RPF1: variants seen among roughly 807,000 people sequenced by gnomAD.
The protein encoded by RPF1 is ribosome production factor 1.
A neutral mutation model predicts 41.9 loss-of-function variants in RPF1; 34 were observed. That is an observed-to-expected ratio of 0.81 (90% CI 0.62 to 1.08). RPF1 has a LOEUF of 1.08. Ranked by LOEUF, RPF1 falls within the 50% of genes least tolerant of loss-of-function variation. The pLI, the probability that RPF1 is intolerant of heterozygous loss-of-function variation, is 0.00. For synonymous variants in RPF1, 140 were observed against 148.9 expected, an observed-to-expected ratio of 0.94 and a Z score of 0.43; for missense variants, 425 against 435.2, an observed-to-expected ratio of 0.98 and a Z score of 0.21.
In RPF1 at chr1:84,497,601, A is replaced by T. The variant is rs1042871426; in HGVS notation, c.*131A>T. ...TAAACCTTTCACGTCTGGACGAATT[A>T]CCAAATGCCATGAATTGCCACTGTG... On this transcript the variant is annotated 3_prime_UTR_variant, in exon 9 of 9. Coordinates refer to ENST00000370654, the MANE Select transcript of RPF1 (RefSeq NM_025065.7). The T allele has an allele frequency of 1.7e-5, 9 of 541,440 alleles. No homozygotes were observed. The highest frequency in any genetic ancestry group is 2.8e-5 in the Non-Finnish European group (9 of 316,182). The allele number at this position is 541,440 out of a possible 1,614,324, so 33.5% of individuals were successfully genotyped here. A position where few individuals can be genotyped will look rare whatever the true frequency, so the allele number is the denominator to read the frequency against.
intron 3 of RPF1, among the ~76,000 whole-genome samples, chr1:84,486,074 C>T (rs1237351252): frequency 1.3e-5 from 2 of 152,106 alleles, no homozygotes; most frequent in African/African-American, 4.8e-5. Context: ...AATGAGAGAA[C>T]ACCCAGTGCA....
intron 3 of RPF1, among the ~76,000 whole-genome samples, chr1:84,485,865 G>A (rs891721754): frequency 6.6e-6 from 1 of 152,110 alleles, no homozygotes. Context: ...TTAATTTGCA[G>A]TTCTCATTTT....
At chr1:84,482,322 A>G (rs905605415) in intron 2 of RPF1, among the ~76,000 whole-genome samples, 1 of 152,194 alleles carries the variant, frequency 6.6e-6, no homozygotes, top group Non-Finnish European at 1.5e-5. Flanking sequence ...ACAGTATTCC[A>G]TAATGTTGAT....
intron 2 of RPF1, 35 bp downstream of exon 2, chr1:84,481,047 T>TAAGA: frequency 2.5e-6 from 3 of 1,213,334 alleles, no homozygotes; most frequent in Non-Finnish European, 3.6e-6. Context: ...CTTTCTATCT[T>TAAGA]ATATTAGGGA....
chr1:84,495,284 A>T, intron 5 of RPF1, 89 bp from the exon 6 acceptor site: 2 of 706,248 alleles, frequency 2.8e-6, no homozygotes, highest in South Asian at 3.4e-5. Flanking sequence ...TACAGATTTT[A>T]GGGGCCTTTG....
intron 5 of RPF1, among the ~76,000 whole-genome samples, chr1:84,493,487 G>A (rs1681872518): frequency 6.6e-6 from 1 of 151,994 alleles, no homozygotes; most frequent in Non-Finnish European, 1.5e-5. Flanking sequence ...TTACTTGGGA[G>A]GTTGAGGTGG....
At chr1:84,479,849 G>C (rs1287096064) in intron 1 of RPF1, among the ~76,000 whole-genome samples, 3 of 152,226 alleles carry the variant, frequency 2.0e-5, no homozygotes, top group African/African-American at 4.8e-5. Context: ...GGTCCGTCTA[G>C]GTAGCGTTGG....
At chr1:84,479,717 G>A (rs553970691) in intron 1 of RPF1, among the ~76,000 whole-genome samples, 5 of 152,342 alleles carry the variant, frequency 3.3e-5, no homozygotes, top group African/African-American at 1.2e-4. Context: ...CGTCAAGGTG[G>A]AAGATTATCT....
chr1:84,479,735 C>G (rs551440692), intron 1 of RPF1, among the ~76,000 whole-genome samples: 1 of 152,334 alleles, frequency 6.6e-6, no homozygotes, highest in Non-Finnish European at 1.5e-5. Context: ...TCTTGATAGG[C>G]TCTTTCCTGG....
In RPF1 at chr1:84,489,628, C is replaced by G. The variant is rs1681796904; in HGVS notation, c.367-5C>G. The G allele has an allele frequency of 6.5e-7, 1 of 1,544,456 alleles. No homozygotes were observed. Among genetic ancestry groups the G allele is most frequent in the African/African-American group, 1.4e-5 (1 of 73,536 alleles). On this transcript the variant is annotated splice_polypyrimidine_tract_variant and splice_region_variant and intron_variant, in intron 3 of 8. Transcript: ENST00000370654. Reference sequence around the variant, plus strand: ...TGTAAAATTATTCCTCTTCTCTGTTCTCAGGTCGCTTATGATGAAGCTACA... The same window carrying G: ...TGTAAAATTATTCCTCTTCTCTGTTGTCAGGTCGCTTATGATGAAGCTACA...
chr1:84,480,383 T>G (rs1681621783), intron 1 of RPF1, among the ~76,000 whole-genome samples: 3 of 152,206 alleles, frequency 2.0e-5, no homozygotes, highest in Admixed American at 2.0e-4. Flanking sequence ...TTGTCAAGCA[T>G]TCTATCTAGA....
intron 3 of RPF1, 39 bp from the exon 4 acceptor site, chr1:84,489,594 T>C (rs1387374560): frequency 8.8e-7 from 1 of 1,138,790 alleles, no homozygotes; most frequent in East Asian, 2.3e-5. Flanking sequence ...CAGTAGAGTA[T>C]TTCTTTGATG....
At chr1:84,496,937 T>C (rs1681950674) in intron 8 of RPF1, among the ~76,000 whole-genome samples, 1 of 152,040 alleles carries the variant, frequency 6.6e-6, no homozygotes, top group African/African-American at 2.4e-5. Context: ...AGGGGCGCCA[T>C]CTCGACTCAC....
intron 5 of RPF1, among the ~76,000 whole-genome samples, chr1:84,492,214 A>C (rs142040827): frequency 6.1e-4 from 93 of 152,252 alleles, no homozygotes; most frequent in African/African-American, 2.2e-3. Context: ...AGGAATAAAA[A>C]TCACAACTCC....
At chr1:84,486,123 A>G (rs1190601527) in intron 3 of RPF1, among the ~76,000 whole-genome samples, 2 of 152,196 alleles carry the variant, frequency 1.3e-5, no homozygotes, top group Non-Finnish European at 2.9e-5. Flanking sequence ...ATGCTTTTTA[A>G]GAATAACAAG....
chr1:84,488,754 T>C (rs1425408159), intron 3 of RPF1, among the ~76,000 whole-genome samples: 1 of 152,100 alleles, frequency 6.6e-6, no homozygotes. Flanking sequence ...GTTTTGTTTG[T>C]CATGAATGAA....
chr1:84,488,524 A>G (rs1437238040), intron 3 of RPF1, among the ~76,000 whole-genome samples: 1 of 152,104 alleles, frequency 6.6e-6, no homozygotes, highest in African/African-American at 2.4e-5. Context: ...TGCAAATGAC[A>G]GTTTTCTTAT....
At chr1:84,497,351 CTT>C in intron 8 of RPF1, 76 bp from the exon 9 acceptor site, 3 of 1,270,196 alleles carry the variant, frequency 2.4e-6, no homozygotes, top group Middle Eastern at 1.9e-4. Flanking sequence ...GGGACGTTAA[CTT>C]TTACTGTCTT....
chr1:84,488,779 A>C (rs1681779980), intron 3 of RPF1, among the ~76,000 whole-genome samples: 1 of 152,116 alleles, frequency 6.6e-6, no homozygotes, highest in Admixed American at 6.5e-5. Flanking sequence ...GAATGTTATT[A>C]GATGTTTTCT....
Sources: allele counts gnomAD v4.1 joint callset (sites outside exome capture counted in the v4.1 genomes callset), GRCh38; gene constraint gnomAD v4.1.1; transcripts MANE v1.5; gene names NCBI Gene and HGNC (gene_info 2026-07-23, HGNC 2026-07-21).